The following CEP85 variants were observed in gnomAD, a reference collection of about 807,000 sequenced individuals.
CEP85 encodes the protein centrosomal protein of 85 kDa.
Under a neutral mutation model 93.7 loss-of-function variants are expected in CEP85, and 58 were observed. The observed-to-expected ratio is 0.62, with a 90% CI of 0.50 to 0.77. The LOEUF is 0.77. Among genes scored for constraint, CEP85 ranks in the 30% least tolerant of loss-of-function variants. CEP85 has a pLI of 0.00. For missense variants in CEP85, 868 were observed against 922.0 expected, an observed-to-expected ratio of 0.94 and a Z score of 0.76; for synonymous variants, 314 against 338.6, an observed-to-expected ratio of 0.93 and a Z score of 0.80.
intron 4 of CEP85, 89 bp from the exon 5 acceptor site, chr1:26,257,508 T>G (rs2089725568): frequency 3.3e-6 from 5 of 1,510,876 alleles, no homozygotes; most frequent in East Asian, 2.3e-5. Context: ...AAGTTGGGCT[T>G]TGACTACAGA....
At chr1:26,235,239 A>G (rs1291440841) in intron 1 of CEP85, among the ~76,000 whole-genome samples, 1 of 152,228 alleles carries the variant, frequency 6.6e-6, no homozygotes, top group South Asian at 2.1e-4. Context: ...TGAATTGAAC[A>G]CTGGGATAAG....
chr1:26,265,678 G>A (rs993384960), intron 7 of CEP85, among the ~76,000 whole-genome samples: 32 of 152,188 alleles, frequency 2.1e-4, no homozygotes, highest in Admixed American at 2.0e-3. Context: ...TGAGAATTGG[G>A]AGGAGCAGAT....
At chr1:26,234,748 C>G (rs764585264) in intron 1 of CEP85, among the ~76,000 whole-genome samples, 1 of 152,152 alleles carries the variant, frequency 6.6e-6, no homozygotes, top group Non-Finnish European at 1.5e-5. Context: ...GAGCCCTCCC[C>G]GAGGAGGAGA....
At chr1:26,262,259 A>G (rs959271779) in intron 7 of CEP85, among the ~76,000 whole-genome samples, 3 of 152,080 alleles carry the variant, frequency 2.0e-5, no homozygotes, top group African/African-American at 7.2e-5. Flanking sequence ...GTGAGCCAAG[A>G]TCACACCACT....
At position 26,271,087 on chromosome 1, in the gene CEP85, C is replaced by T. The variant is rs560358188; in HGVS notation, c.1723C>T (p.Arg575Ter). The stretch of plus-strand genomic sequence containing the variant: ...AGTGGAAATGGAGTCCTGGCAGAAG[C>T]GATACGATTCGCTCCAAAAGGTGAC... ...PEVEMESWQK[R>*]YDSLQKIVEK... Residue 575 changes from arginine (R) to a stop codon, truncating the protein, a stop_gained, in exon 10 of 14, where the codon CGA becomes TGA. Coordinates refer to ENST00000451429, the MANE Select transcript of CEP85 (RefSeq NM_001319944.2). LOFTEE classifies it high-confidence loss of function. 9.9e-6 allele frequency: 16 copies of T among 1,610,686 alleles called. No individual in the cohort carries two copies. Among genetic ancestry groups the T allele is most frequent in the African/African-American group, 1.3e-5 (1 of 74,818 alleles).
At chr1:26,248,077 C>T (rs867132687) in intron 3 of CEP85, among the ~76,000 whole-genome samples, 7 of 152,310 alleles carry the variant, frequency 4.6e-5, no homozygotes, top group Middle Eastern at 3.4e-3. Context: ...AAAATTGCCT[C>T]TGCTCGTTTT....
chr1:26,258,423 C>T (rs2089754417), intron 6 of CEP85, among the ~76,000 whole-genome samples, 163 bp downstream of exon 6: 1 of 152,136 alleles, frequency 6.6e-6, no homozygotes, highest in Non-Finnish European at 1.5e-5. Flanking sequence ...TTATCATGCC[C>T]TTGTGGGAGC....
chr1:26,275,155 G>A (rs1200341021), intron 12 of CEP85, 84 bp downstream of exon 12: 1 of 978,556 alleles, frequency 1.0e-6, no homozygotes, highest in Non-Finnish European at 1.6e-6. Context: ...ACCCCAATAA[G>A]AGCCCCAGTG....
Position 26,277,388 on chromosome 1 carries a change from G to GAC in CEP85, c.*96_*97insCA. 7.6e-7 allele frequency: 1 copy of GAC among 1,308,798 alleles called. No homozygotes were observed. The highest frequency in any genetic ancestry group is 1.4e-5 in the South Asian group (1 of 73,960). The allele number at this position is 1,308,798 out of a possible 1,614,324, so 81.1% of individuals were successfully genotyped here. ...GACATTCTCTTGTCTGCTATTCCCA[G>GAC]AGAGGTCTCAGAGGGGAGGGGAGAG... On this transcript the variant is annotated 3_prime_UTR_variant, in exon 14 of 14. Transcript: ENST00000451429.
chr1:26,269,371 G>C, intron 8 of CEP85, 89 bp from the exon 9 acceptor site: 1 of 1,297,884 alleles, frequency 7.7e-7, no homozygotes, highest in South Asian at 1.3e-5. Flanking sequence ...ATAGGTTTGA[G>C]TGCTATTTCT....
intron 4 of CEP85, among the ~76,000 whole-genome samples, chr1:26,256,602 T>TTC (rs201899492): frequency 6.2e-4 from 41 of 65,752 alleles, no homozygotes; most frequent in African/African-American, 1.0e-3. Context: ...TGTATTTTCT[T>TTC]TTTTTTTTTT....
intron 2 of CEP85, among the ~76,000 whole-genome samples, chr1:26,241,123 G>A (rs1169333190): frequency 6.6e-6 from 1 of 152,002 alleles, no homozygotes; most frequent in Non-Finnish European, 1.5e-5. Flanking sequence ...AAATCTCACA[G>A]TGCCTTACTC....
At chr1:26,253,515 G>A (rs185428963) in intron 3 of CEP85, among the ~76,000 whole-genome samples, 1 of 150,456 alleles carries the variant, frequency 6.6e-6, no homozygotes, top group African/African-American at 2.4e-5. Flanking sequence ...TCAGCCTCCC[G>A]AATAGCTGGG....
chr1:26,270,925 G>C lies in CEP85; in HGVS notation c.1650-89G>C. 3 of 790,950 alleles carry C rather than the reference G, an allele frequency of 3.8e-6. No homozygotes were observed. In the Admixed American group the frequency reaches 5.8e-5, roughly 15 times the overall value. 49.0% of individuals were successfully genotyped at this position (790,950 alleles called of 1,614,324 possible). On this transcript the variant is annotated intron_variant, in intron 9 of 13. Coordinates refer to ENST00000451429, the MANE Select transcript of CEP85 (RefSeq NM_001319944.2). ...AGCTACTGCTTGGACTAAGTGTCTT[G>C]CCTCAAAATGTGCAATAAGTAGCAG...
intron 3 of CEP85, among the ~76,000 whole-genome samples, chr1:26,249,229 G>A (rs546970779): frequency 1.1e-4 from 16 of 152,226 alleles, no homozygotes; most frequent in African/African-American, 3.4e-4. Flanking sequence ...TTACAGGCGT[G>A]TGCCACCACA....
chr1:26,243,991 CA>C lies in CEP85; in HGVS notation c.56-149del, dbSNP rs58751883. On this transcript the variant is annotated intron_variant, in intron 2 of 13. Transcript: ENST00000451429. Reference sequence around the variant, plus strand: ...CTGGGTGACAGAGCAGACTCCGTCTCAAAAAAAAAAAAAAAAAAAAAAAAAA... The same window carrying C: ...CTGGGTGACAGAGCAGACTCCGTCTCAAAAAAAAAAAAAAAAAAAAAAAAA... Among the ~76,000 whole-genome samples the C allele has an allele frequency of 2.0e-3, 220 of 108,276 alleles. No homozygotes were observed. In the East Asian group the frequency reaches 0.031, roughly 15 times the overall value. The allele number at this position is 108,276 out of a possible 152,430, so 71.0% of individuals were successfully genotyped here.
At chr1:26,240,644 C>T (rs551116782) in intron 2 of CEP85, among the ~76,000 whole-genome samples, 2 of 152,244 alleles carry the variant, frequency 1.3e-5, no homozygotes, top group Admixed American at 1.3e-4. Flanking sequence ...CCTGTAATCC[C>T]AGCACTTTGG....
rs34240339 is a variant in CEP85 at position 26,261,741 on chromosome 1, ATT to A, written c.1341+1948_1341+1949del. On this transcript the variant is annotated intron_variant, in intron 7 of 13. Transcript: ENST00000451429. ...GAGACTCTCTTAAAAAAAAAAAAAA[ATT>A]TTTTTTTTCCCTAAAATCAAGTTTA... is the stretch of plus-strand genomic sequence containing the variant. 1.5e-3 allele frequency among the ~76,000 whole-genome samples: 227 copies of A among 147,234 alleles called. 2 individuals are homozygous for A. Among genetic ancestry groups the A allele is most frequent in the Middle Eastern group, 3.4e-3 (1 of 292 alleles).
At chr1:26,258,093 T>G (rs770392299) in intron 5 of CEP85, 50 bp from the exon 6 acceptor site, 1 of 1,257,018 alleles carries the variant, frequency 8.0e-7, no homozygotes. Flanking sequence ...GGGCTCATAT[T>G]GTGAGGGGTT....
Sources: gnomAD v4.1 joint callset for allele counts (sites outside exome capture counted in the v4.1 genomes callset) on GRCh38, gnomAD v4.1.1 for gene constraint, MANE v1.5 for transcripts, NCBI Gene and HGNC (gene_info 2026-07-23, HGNC 2026-07-21) for gene names.